Variants in TMEM59 observed in about 807,000 individuals in gnomAD.
TMEM59 encodes dendritic cell factor 1.
TMEM59 carries 44 observed loss-of-function variants against 42.2 expected under a neutral mutation model. The observed-to-expected ratio is 1.04, with a 90% CI of 0.82 to 1.34. The LOEUF (loss-of-function observed/expected upper bound fraction) is 1.34. Among genes scored for constraint, TMEM59 ranks in the 40% most tolerant of loss-of-function variants. The pLI is 0.00. For missense variants in TMEM59, 359 were observed against 382.8 expected, an observed-to-expected ratio of 0.94 and a Z score of 0.52; for synonymous variants, 148 against 145.8, an observed-to-expected ratio of 1.02 and a Z score of -0.11.
At position 54,032,273 on chromosome 1, in the gene TMEM59, C is replaced by A; in HGVS notation, c.849G>T (p.Met283Ile). Residue 283 changes from methionine (M) to isoleucine (I), a missense_variant, in exon 8 of 8, where the codon ATG becomes ATT. Transcript: ENST00000234831. ...GATATCTGTTTAGCTTTTGTTCATT[C>A]ATAAACTCCAAGTCACCATAGATAC... ...KLSIYGDLEF[M>I]NEQKLNRYPA... The A allele has an allele frequency of 1.2e-6, 2 of 1,610,252 alleles. No individual in the cohort carries two copies. Among genetic ancestry groups the A allele is most frequent in the Non-Finnish European group, 1.7e-6 (2 of 1,177,824 alleles).
rs1657306065 is a variant in TMEM59, at chr1:54,045,698, T to C, written c.384A>G (p.Gln128=). The part of the protein sequence containing the change: ...QNQLPFAELR[Q]EQLMSLMPKM... ...AGGCAGTATTGTTTCGTACTTGTTCTTGTCTCAGTTCAGCGAATGGCAGCT... is the reference window on the plus strand; with the variant it reads ...AGGCAGTATTGTTTCGTACTTGTTCCTGTCTCAGTTCAGCGAATGGCAGCT... The change falls in exon 3 of 8, where the codon CAA becomes CAG. Residue 128 remains glutamine, a synonymous_variant. Coordinates refer to ENST00000234831, the MANE Select transcript of TMEM59 (RefSeq NM_004872.5). 3.1e-6 allele frequency: 5 copies of C among 1,614,138 alleles called. No homozygotes were observed. The highest frequency in any genetic ancestry group is 3.4e-6 in the Non-Finnish European group (4 of 1,179,992).
At chr1:54,038,438 T>C (rs1430441648) in intron 6 of TMEM59, among the ~76,000 whole-genome samples, 1 of 152,212 alleles carries the variant, frequency 6.6e-6, no homozygotes, top group East Asian at 1.9e-4. Context: ...TTATTGTCCA[T>C]GTCTGTTTAG....
intron 1 of TMEM59, 74 bp from the exon 2 acceptor site, chr1:54,047,446 A>G: frequency 8.3e-7 from 1 of 1,203,158 alleles, no homozygotes; most frequent in Admixed American, 2.2e-5. Context: ...CAGGTTAGGA[A>G]GAAAGCAGTT....
chr1:54,036,595 A>AAGGATT lies in TMEM59; in HGVS notation c.816+14_816+15insAATCCT. ...TCACAGGGCTCAGTCTTCAAATGGTAAGAATTAAATTTACCTCAGAGGGAA... is the reference window on the plus strand; with the variant it reads ...TCACAGGGCTCAGTCTTCAAATGGTAAGGATTAGAATTAAATTTACCTCAGAGGGAA... On this transcript the variant is annotated intron_variant, in intron 7 of 7. Transcript: ENST00000234831. 6.3e-7 allele frequency: 1 copy of AAGGATT among 1,574,930 alleles called. No individual in the cohort carries two copies. Among genetic ancestry groups the AAGGATT allele is most frequent in the Non-Finnish European group, 8.6e-7 (1 of 1,158,814 alleles).
intron 1 of TMEM59, among the ~76,000 whole-genome samples, chr1:54,049,158 G>C (rs1480347823): frequency 1.3e-5 from 2 of 152,108 alleles, no homozygotes; most frequent in East Asian, 3.8e-4. Flanking sequence ...TTCAGGAATC[G>C]GCCCTGGTTT....
Position 54,029,998 on chromosome 1 carries a change from C to G in TMEM59, c.*2152G>C, listed in dbSNP as rs1235456115. The G allele has an allele frequency of 1.3e-5, 2 of 152,098 alleles. No homozygotes were observed. Among genetic ancestry groups the G allele is most frequent in the Non-Finnish European group, 2.9e-5 (2 of 68,012 alleles). The allele number at this position is 152,098 out of a possible 1,614,324, so 9.4% of individuals were successfully genotyped here. ...GGTATTTTCACATATAAGGAATTCT[C>G]TCAACAAGAGGGGAGATATTTGTCT... is the stretch of plus-strand genomic sequence containing the variant. On this transcript the variant is annotated 3_prime_UTR_variant, in exon 8 of 8. Coordinates refer to ENST00000234831, the MANE Select transcript of TMEM59 (RefSeq NM_004872.5).
chr1:54,030,379 G>C lies in TMEM59; in HGVS notation c.*1771C>G, dbSNP rs1414558456. 1.3e-5 allele frequency: 2 copies of C among 152,130 alleles called. No homozygotes were observed. The allele number at this position is 152,130 out of a possible 1,614,324, so 9.4% of individuals were successfully genotyped here. Reference sequence around the variant, plus strand: ...GAAACTAAGTATGCACTAATGATGGGAGACGAAACAACAGGGCTTTTTATT... The same window carrying C: ...GAAACTAAGTATGCACTAATGATGGCAGACGAAACAACAGGGCTTTTTATT... On this transcript the variant is annotated 3_prime_UTR_variant, in exon 8 of 8. Transcript: ENST00000234831.
chr1:54,049,501 T>A (rs979195673), intron 1 of TMEM59, among the ~76,000 whole-genome samples: 1 of 152,226 alleles, frequency 6.6e-6, no homozygotes, highest in African/African-American at 2.4e-5. Flanking sequence ...GAATCATATC[T>A]TTATTCTAAG....
In TMEM59 at chr1:54,028,289, A is replaced by G. The variant is rs1310728297; in HGVS notation, c.*3861T>C. 1 of 152,228 alleles carries G rather than the reference A, an allele frequency of 6.6e-6. No individual in the cohort carries two copies. The highest frequency in any genetic ancestry group is 2.4e-5 in the African/African-American group (1 of 41,456). 9.4% of individuals were successfully genotyped at this position (152,228 alleles called of 1,614,324 possible). ...GCGTTATAGAGAAAAGTTTAAAAAT[A>G]TAAGTAAAATGAAATAGTATTCTTG... is the stretch of plus-strand genomic sequence containing the variant. On this transcript the variant is annotated 3_prime_UTR_variant, in exon 8 of 8. Coordinates refer to ENST00000234831, the MANE Select transcript of TMEM59 (RefSeq NM_004872.5).
At chr1:54,043,058 T>C (rs371174035) in intron 4 of TMEM59, among the ~76,000 whole-genome samples, 9 of 152,340 alleles carry the variant, frequency 5.9e-5, no homozygotes, top group East Asian at 5.8e-4. Context: ...CCACTATTTA[T>C]GTTCGAAGTA....
At position 54,026,745 on chromosome 1, in the gene TMEM59, A is replaced by G. The variant is rs1024429725; in HGVS notation, c.*5405T>C. 1 of 152,226 alleles carries G rather than the reference A, an allele frequency of 6.6e-6. No homozygotes were observed. The highest frequency in any genetic ancestry group is 1.5e-5 in the Non-Finnish European group (1 of 68,038). The allele number at this position is 152,226 out of a possible 1,614,324, so 9.4% of individuals were successfully genotyped here. A position where few individuals can be genotyped will look rare whatever the true frequency, so the allele number is the denominator to read the frequency against. ...TACATACTTAAGCATAAATAAATTA[A>G]CAGATTTGTAGCACCAATAATGGTG... On this transcript the variant is annotated 3_prime_UTR_variant, in exon 8 of 8. Coordinates refer to ENST00000234831, the MANE Select transcript of TMEM59 (RefSeq NM_004872.5).
rs564154037 is a variant in TMEM59, at chr1:54,045,594, T to G, written c.390+98A>C. 2.8e-5 allele frequency: 33 copies of G among 1,181,444 alleles called. No individual in the cohort carries two copies. In the East Asian group the frequency reaches 8.0e-4, roughly 29 times the overall value. The allele number at this position is 1,181,444 out of a possible 1,614,324, so 73.2% of individuals were successfully genotyped here. ...TTTGCTGAAAGCCAAATATAAAATA[T>G]AACACTAAAATAGGATCAAGTGGGT... On this transcript the variant is annotated intron_variant, in intron 3 of 7. Coordinates refer to ENST00000234831, the MANE Select transcript of TMEM59 (RefSeq NM_004872.5).
intron 2 of TMEM59, 33 bp from the exon 3 acceptor site, chr1:54,045,819 C>T (rs1260622502): frequency 6.5e-7 from 1 of 1,535,946 alleles, no homozygotes; most frequent in Non-Finnish European, 8.9e-7. Flanking sequence ...TTACAAGAAA[C>T]AAAAGAGAAA....
At position 54,036,656 on chromosome 1, in the gene TMEM59, C is replaced by T; in HGVS notation, c.770G>A (p.Cys257Tyr). 1 of 1,609,248 alleles carries T rather than the reference C, an allele frequency of 6.2e-7. No individual in the cohort carries two copies. The highest frequency in any genetic ancestry group is 8.5e-7 in the Non-Finnish European group (1 of 1,177,602). ...VLSVMVLLWI[C>Y]CATVATAVEQ... Reference sequence around the variant, plus strand: ...CACAGCTGTAGCAACAGTTGCACAACAAATCCAAAGCAATACCATCACCGA... The same window carrying T: ...CACAGCTGTAGCAACAGTTGCACAATAAATCCAAAGCAATACCATCACCGA... Residue 257 changes from cysteine to tyrosine, a missense_variant, in exon 7 of 8, where the codon TGT becomes TAT. By Grantham distance (194) the Cys-to-Tyr change is radical. Coordinates refer to ENST00000234831, the MANE Select transcript of TMEM59 (RefSeq NM_004872.5).
At chr1:54,033,514 A>T (rs193136672) in intron 7 of TMEM59, 1 of 150,548 alleles carries the variant, frequency 6.6e-6, no homozygotes, top group Non-Finnish European at 1.5e-5. Context: ...AGGCACAAGA[A>T]TCACTTGAGC....
Position 54,028,549 on chromosome 1 carries a change from T to TC in TMEM59, c.*3600dup, listed in dbSNP as rs1656671839. On this transcript the variant is annotated 3_prime_UTR_variant, in exon 8 of 8. Coordinates refer to ENST00000234831, the MANE Select transcript of TMEM59 (RefSeq NM_004872.5). ...TTTTGTTATGCTTTTGTATGCTCTA[T>TC]CTCGGCCTACTCAACAATCTGCAGT... The TC allele has an allele frequency of 6.6e-6, 1 of 152,334 alleles. No homozygotes were observed. The highest frequency in any genetic ancestry group is 6.5e-5 in the Admixed American group (1 of 15,284). 9.4% of individuals were successfully genotyped at this position (152,334 alleles called of 1,614,324 possible).
At chr1:54,046,096 C>T (rs1657324338) in intron 2 of TMEM59, among the ~76,000 whole-genome samples, 1 of 152,108 alleles carries the variant, frequency 6.6e-6, no homozygotes, top group Admixed American at 6.5e-5. Flanking sequence ...CTGAAGATGC[C>T]ACTCAAAAAG....
rs1322346092 is a variant in TMEM59, at chr1:54,030,973, TG to T, written c.*1176del. 1 of 152,206 alleles carries T rather than the reference TG, an allele frequency of 6.6e-6. No homozygotes were observed. Among genetic ancestry groups the T allele is most frequent in the East Asian group, 1.9e-4 (1 of 5,192 alleles). The allele number at this position is 152,206 out of a possible 1,614,324, so 9.4% of individuals were successfully genotyped here. A position where few individuals can be genotyped will look rare whatever the true frequency, so the allele number is the denominator to read the frequency against. ...ATCATATTAGAATTCTGGTGTAGGC[TG>T]GGCACAGTCACTCACGCCTGTAATC... On this transcript the variant is annotated 3_prime_UTR_variant, in exon 8 of 8. Coordinates refer to ENST00000234831, the MANE Select transcript of TMEM59 (RefSeq NM_004872.5).
intron 1 of TMEM59, among the ~76,000 whole-genome samples, chr1:54,048,943 AG>A (rs1209820587): frequency 6.6e-6 from 1 of 152,248 alleles, no homozygotes; most frequent in Admixed American, 6.5e-5. Context: ...ATATCTGAGT[AG>A]CTGTTGCAGG....
Sources: gnomAD v4.1 joint callset for allele counts (sites outside exome capture counted in the v4.1 genomes callset) on GRCh38, gnomAD v4.1.1 for gene constraint, MANE v1.5 for transcripts, NCBI Gene and HGNC (gene_info 2026-07-23, HGNC 2026-07-21) for gene names.